Variants in CELF2 observed in about 807,000 individuals in gnomAD.
The protein encoded by CELF2 is CUGBP Elav-like family member 2, also known as CUG triplet repeat RNA-binding protein 2.
A neutral mutation model predicts 62.6 loss-of-function variants in CELF2; 8 were observed. The observed-to-expected ratio is 0.13, with a 90% CI of 0.07 to 0.23. The LOEUF (loss-of-function observed/expected upper bound fraction) is 0.23, where lower values mean the gene tolerates loss of function less well. Among genes scored for constraint, CELF2 ranks in the 10% least tolerant of loss-of-function variants. The pLI is 1.00. For synonymous variants in CELF2, 258 were observed against 250.0 expected, an observed-to-expected ratio of 1.03 and a Z score of -0.30; for missense variants, 333 against 671.0, an observed-to-expected ratio of 0.50 and a Z score of 5.56.
At chr10:11,175,667 CTTT>C (rs1453438807) in intron 2 of CELF2, among the ~76,000 whole-genome samples, 4 of 152,156 alleles carry the variant, frequency 2.6e-5, no homozygotes, top group African/African-American at 9.7e-5. Context: ...ATGCAGAGCC[CTTT>C]TGTAACAATG....
chr10:10,940,148 G>A (rs1055574222), intron 2 of CELF2, among the ~76,000 whole-genome samples: 23 of 152,314 alleles, frequency 1.5e-4, no homozygotes, highest in African/African-American at 4.8e-4. Context: ...GGGTTGGCAC[G>A]AGAGAGCACA....
the CELF2 span, among the ~76,000 whole-genome samples, chr10:10,629,861 C>CAAAAAAAAAAAAAAAAAAA: frequency 8.1e-5 from 1 of 12,342 alleles, no homozygotes; most frequent in Non-Finnish European, 1.5e-4. Context: ...GGCTGAAGAC[C>CAAAAAAAAAAAAAAAAAAA]AAAAAAAAAA....
At chr10:11,193,136 C>T (rs1270329720) in intron 2 of CELF2, among the ~76,000 whole-genome samples, 6 of 152,292 alleles carry the variant, frequency 3.9e-5, no homozygotes, top group Non-Finnish European at 7.3e-5. Flanking sequence ...TCTTCAGCCT[C>T]GCGTGGGGCT....
chr10:11,059,710 A>G (rs921564596), intron 1 of CELF2, among the ~76,000 whole-genome samples: 1 of 152,220 alleles, frequency 6.6e-6, no homozygotes, highest in Admixed American at 6.5e-5. Context: ...AGTGATTTGT[A>G]TCAGCCAGAG....
intron 2 of CELF2, among the ~76,000 whole-genome samples, chr10:10,953,204 G>A (rs561067310): frequency 5.3e-5 from 8 of 152,256 alleles, no homozygotes; most frequent in African/African-American, 1.7e-4. Context: ...TGAAAATCAA[G>A]GAGATAGGAT....
At chr10:11,181,153 A>G (rs1315766158) in intron 2 of CELF2, among the ~76,000 whole-genome samples, 1 of 152,218 alleles carries the variant, frequency 6.6e-6, no homozygotes, top group Non-Finnish European at 1.5e-5. Flanking sequence ...TACAGGGGTA[A>G]GCCAACATTC....
At chr10:10,689,568 C>G in the CELF2 span, among the ~76,000 whole-genome samples, 1 of 152,122 alleles carries the variant, frequency 6.6e-6, no homozygotes, top group Admixed American at 6.5e-5. Context: ...CTATGAAATA[C>G]TTTCAACATG....
At chr10:10,730,911 G>A in the CELF2 span, among the ~76,000 whole-genome samples, 1 of 152,144 alleles carries the variant, frequency 6.6e-6, no homozygotes, top group Non-Finnish European at 1.5e-5. Context: ...GAGTCTACTG[G>A]GAGCTTGTGA....
rs1427293235 is a variant in CELF2, at chr10:11,110,751, A to G, written c.75-54735A>G. ...CCTTTCTTCTGGAATTCCAGAGTAC[A>G]GTGTGCCCACGGGAGGCCTCATCCG... On this transcript the variant is annotated intron_variant, in intron 1 of 12. Transcript: ENST00000633077. The surrounding 1 kb of genome is among the most constrained non-coding windows in gnomAD (Gnocchi z 4.0). Among the ~76,000 whole-genome samples, 5 of 152,104 alleles carry G rather than the reference A, an allele frequency of 3.3e-5. No individual in the cohort carries two copies. The highest frequency in any genetic ancestry group is 1.9e-4 in the East Asian group (1 of 5,196).
intron 2 of CELF2, among the ~76,000 whole-genome samples, chr10:10,987,151 A>G (rs2052855469): frequency 6.6e-6 from 1 of 152,214 alleles, no homozygotes; most frequent in Admixed American, 6.5e-5. Context: ...GATTGGTGAG[A>G]CAGCAGAGAC....
chr10:11,161,353 G>A (rs1323491339), intron 1 of CELF2, among the ~76,000 whole-genome samples: 1 of 152,194 alleles, frequency 6.6e-6, no homozygotes, highest in African/African-American at 2.4e-5. Context: ...CAGTTTGCAG[G>A]CAAGGTGCCA....
intron 1 of CELF2, among the ~76,000 whole-genome samples, chr10:11,135,835 TA>T (rs11358012): frequency 0.056 from 8,516 of 152,188 alleles, 284 homozygotes; most frequent in African/African-American, 0.087. Flanking sequence ...GGTCTGTAAA[TA>T]ATGTGTATGG....
At chr10:10,803,921 C>T (rs1024472072) in intron 1 of CELF2, among the ~76,000 whole-genome samples, 2 of 152,164 alleles carry the variant, frequency 1.3e-5, no homozygotes, top group African/African-American at 4.8e-5. Context: ...TCATTCACAT[C>T]CCACCCCTAG....
At chr10:10,657,562 G>A in the CELF2 span, among the ~76,000 whole-genome samples, 145 of 152,160 alleles carry the variant, frequency 9.5e-4, no homozygotes, top group African/African-American at 3.3e-3. Flanking sequence ...AGTTAGCAAC[G>A]TGACTAATTC....
In CELF2 at chr10:11,012,530, C is replaced by G. The variant is rs1025232190; in HGVS notation, c.53+7090C>G. Among the ~76,000 whole-genome samples, 2 of 152,216 alleles carry G rather than the reference C, an allele frequency of 1.3e-5. No homozygotes were observed. The highest frequency in any genetic ancestry group is 4.8e-5 in the African/African-American group (2 of 41,454). On this transcript the variant is annotated intron_variant, in intron 1 of 12. Transcript: ENST00000416382. This position sits in a 1 kb window ranked among gnomAD's most constrained non-coding sequence, Gnocchi z 5.5. ...CCTCAAGCTTACCACATCCATTTCTCTTCCTTTCACCCCACCTGTTGCTGC... is the reference window on the plus strand; with the variant it reads ...CCTCAAGCTTACCACATCCATTTCTGTTCCTTTCACCCCACCTGTTGCTGC...
the CELF2 span, among the ~76,000 whole-genome samples, chr10:10,486,270 T>C: frequency 3.9e-5 from 6 of 152,194 alleles, no homozygotes; most frequent in Admixed American, 3.3e-4. Flanking sequence ...CTTTTCCTTT[T>C]CTCACTGGTT....
chr10:11,286,106 G>C (rs1174525226), intron 8 of CELF2, among the ~76,000 whole-genome samples: 1 of 152,222 alleles, frequency 6.6e-6, no homozygotes, highest in Non-Finnish European at 1.5e-5. Flanking sequence ...TGGGGCAGAA[G>C]GCTCTGCCAA....
At chr10:10,930,999 TA>T (rs1276517114) in intron 2 of CELF2, among the ~76,000 whole-genome samples, 1 of 152,194 alleles carries the variant, frequency 6.6e-6, no homozygotes, top group African/African-American at 2.4e-5. Context: ...TATACCTTCT[TA>T]AATATTGGCT....
upstream of CELF2, among the ~76,000 whole-genome samples, chr10:10,795,806 A>G (rs1045075366): frequency 4.6e-5 from 7 of 152,148 alleles, no homozygotes; most frequent in African/African-American, 1.4e-4. Flanking sequence ...CCTTTAAAAG[A>G]TAATTTCTCT....
Sources: gnomAD v4.1 joint callset for allele counts (sites outside exome capture counted in the v4.1 genomes callset) on GRCh38, gnomAD v4.1.1 for gene constraint, Gnocchi (gnomAD v3.1) non-coding constraint, MANE v1.5 for transcripts, NCBI Gene and HGNC (gene_info 2026-07-23, HGNC 2026-07-21) for gene names.